MMP15: variants seen among roughly 807,000 people sequenced by gnomAD.
The protein encoded by MMP15 is matrix metalloproteinase-15.
MMP15 carries 36 observed loss-of-function variants against 65.0 expected under a neutral mutation model. That is an observed-to-expected ratio of 0.55 (90% confidence interval 0.42 to 0.73). MMP15 has a LOEUF of 0.73. Ranked by LOEUF, MMP15 falls within the 30% of genes least tolerant of loss-of-function variation. The pLI, the probability that MMP15 is intolerant of heterozygous loss-of-function variation, is 0.00. For missense variants in MMP15, 870 were observed against 987.8 expected, an observed-to-expected ratio of 0.88 and a Z score of 1.60; for synonymous variants, 428 against 410.2, an observed-to-expected ratio of 1.04 and a Z score of -0.52.
Position 58,045,687 on chromosome 16 carries a change from C to T in MMP15, c.*241C>T. Reference sequence around the variant, plus strand: ...AGAATTTTCTAAATGTAGTTCTGCTCCAGACAGGGAATTAGGCCCCCATCA... The same window carrying T: ...AGAATTTTCTAAATGTAGTTCTGCTTCAGACAGGGAATTAGGCCCCCATCA... On this transcript the variant is annotated 3_prime_UTR_variant, in exon 10 of 10. Transcript: ENST00000219271. 2 of 525,288 alleles carry T rather than the reference C, an allele frequency of 3.8e-6. No individual in the cohort carries two copies. The allele number at this position is 525,288 out of a possible 1,614,324, so 32.5% of individuals were successfully genotyped here.
intron 4 of MMP15, 152 bp downstream of exon 4, chr16:58,040,334 G>T: frequency 9.5e-7 from 1 of 1,048,204 alleles, no homozygotes; most frequent in African/African-American, 1.6e-5. Context: ...TCAGTCTGTT[G>T]TCCCACCATC....
chr16:58,040,077 ACCGGTGGCTTTCTGGC>A lies in MMP15; in HGVS notation c.646_661del (p.Gly216ThrfsTer9), dbSNP rs757072178. On this transcript the variant is annotated frameshift_variant, in exon 4 of 10. Coordinates refer to ENST00000219271, the MANE Select transcript of MMP15 (RefSeq NM_002428.4). LOFTEE classifies it high-confidence loss of function. ...CGGCGACAGCTCGCCGTTTGATGGC[ACCGGTGGCTTTCTGGC>A]CCACGCCTATTTCCCTGGCCCCGGC... The A allele has an allele frequency of 3.1e-6, 5 of 1,614,084 alleles. No individual in the cohort carries two copies. The South Asian group carries it at 5.5e-5, about 18-fold the overall frequency.
In MMP15 at chr16:58,045,476, G is replaced by T; in HGVS notation, c.*30G>T. Reference sequence around the variant, plus strand: ...CCAGCGCTCCTGCTAACGGTGCTCAGGGGGCGCCTGTGGTTCTGAGATGGC... The same window carrying T: ...CCAGCGCTCCTGCTAACGGTGCTCATGGGGCGCCTGTGGTTCTGAGATGGC... On this transcript the variant is annotated 3_prime_UTR_variant, in exon 10 of 10. Transcript: ENST00000219271. 6.8e-7 allele frequency: 1 copy of T among 1,475,126 alleles called. No individual in the cohort carries two copies. Among genetic ancestry groups the T allele is most frequent in the Non-Finnish European group, 9.0e-7 (1 of 1,112,294 alleles). 91.4% of individuals were successfully genotyped at this position (1,475,126 alleles called of 1,614,324 possible).
intron 1 of MMP15, among the ~76,000 whole-genome samples, chr16:58,028,015 G>T (rs574688008): frequency 6.6e-6 from 1 of 152,348 alleles, no homozygotes; most frequent in East Asian, 1.9e-4. Context: ...TCAAGTCACA[G>T]TCCCACCATT....
rs1292972984 is a variant in MMP15 at position 58,040,621 on chromosome 16, C to T, written c.833C>T (p.Ala278Val). ...TCCAGCAACCCCAATGCCATCATGG[C>T]GCCGTTCTACCAGTGGAAGGACGTT... ...EHSSNPNAIM[A>V]PFYQWKDVDN... is the part of the protein sequence containing the mutation. The change falls in exon 5 of 10, where the codon GCG becomes GTG. Residue 278 changes from alanine (A) to valine (V), a missense_variant. Physicochemically the swap from Ala to Val is moderately conservative, Grantham distance 64. Transcript: ENST00000219271. The T allele has an allele frequency of 3.7e-6, 6 of 1,614,216 alleles. No homozygotes were observed. Among genetic ancestry groups the T allele is most frequent in the Non-Finnish European group, 5.1e-6 (6 of 1,180,046 alleles).
rs148082107 is a variant in MMP15 at position 58,045,260 on chromosome 16, C to T, written c.1824C>T (p.Asp608=). ...ACTTTGGGGCCGGGGTCAACAAGGA[C>T]GGGGGCAGCCGCGTGGTGGTGCAGA... ...DGDFGAGVNK[D]GGSRVVVQME... is the part of the protein sequence containing the mutation. The change falls in exon 10 of 10, where the codon GAC becomes GAT. Residue 608 remains aspartate (D), a synonymous_variant. Coordinates refer to ENST00000219271, the MANE Select transcript of MMP15 (RefSeq NM_002428.4). The T allele has an allele frequency of 7.3e-5, 118 of 1,608,828 alleles. 1 individual carries two copies. Among genetic ancestry groups the T allele is most frequent in the Non-Finnish European group, 8.7e-5 (102 of 1,178,696 alleles).
At chr16:58,031,644 C>G (rs1050376998) in intron 1 of MMP15, among the ~76,000 whole-genome samples, 1 of 152,106 alleles carries the variant, frequency 6.6e-6, no homozygotes, top group Non-Finnish European at 1.5e-5. Flanking sequence ...GGTCAGACCT[C>G]AAGACGTCTT....
chr16:58,026,762 A>C (rs1483090699), intron 1 of MMP15, among the ~76,000 whole-genome samples: 2 of 152,118 alleles, frequency 1.3e-5, no homozygotes, highest in Non-Finnish European at 2.9e-5. Flanking sequence ...TGTTCTGGGC[A>C]CTGAGCCCCC....
At chr16:58,026,924 G>A (rs535928012) in intron 1 of MMP15, among the ~76,000 whole-genome samples, 16 of 152,348 alleles carry the variant, frequency 1.1e-4, no homozygotes, top group African/African-American at 3.8e-4. Context: ...GGAGGGGGCT[G>A]CTCTCGGGGA....
rs749280786 is a variant in MMP15 at position 58,045,097 on chromosome 16, G to A, written c.1661G>A (p.Arg554Gln). ...CCCGGCTACCCCAAGTCCATCCTGC[G>A]GGACTTCATGGGCTGCCAGGAGCAC... ...MEPGYPKSILRDFMGCQEHVE... is the reference protein window; with the variant it reads ...MEPGYPKSILQDFMGCQEHVE... Residue 554 changes from arginine to glutamine, a missense_variant, in exon 10 of 10, where the codon CGG becomes CAG. Transcript: ENST00000219271. 14 of 1,611,108 alleles carry A rather than the reference G, an allele frequency of 8.7e-6. No homozygotes were observed. Among genetic ancestry groups the A allele is most frequent in the Middle Eastern group, 1.6e-4 (1 of 6,078 alleles).
Position 58,045,308 on chromosome 16 carries a change from G to A in MMP15, c.1872G>A (p.Val624=). ...VVQMEEVART[V]NVVMVLVPLL... The stretch of plus-strand genomic sequence containing the variant: ...AGATGGAGGAGGTGGCACGGACGGT[G>A]AACGTGGTGATGGTGCTGGTGCCAC... The change falls in exon 10 of 10, where the codon GTG becomes GTA. Residue 624 remains valine, a synonymous_variant. Transcript: ENST00000219271. 1 of 1,610,266 alleles carries A rather than the reference G, an allele frequency of 6.2e-7. No homozygotes were observed. Among genetic ancestry groups the A allele is most frequent in the Non-Finnish European group, 8.5e-7 (1 of 1,179,314 alleles).
chr16:58,041,876 G>A lies in MMP15; in HGVS notation c.1164+6G>A, dbSNP rs767309828. On this transcript the variant is annotated splice_donor_region_variant and intron_variant, in intron 6 of 9. Coordinates refer to ENST00000219271, the MANE Select transcript of MMP15 (RefSeq NM_002428.4). ...GGGAGATGTTCGTGTTCAAGGTCTG[G>A]CCCCGCCTCCCATGCCTGGCCCTGA... 1.5e-5 allele frequency: 24 copies of A among 1,573,466 alleles called. No homozygotes were observed. Among genetic ancestry groups the A allele is most frequent in the African/African-American group, 2.7e-5 (2 of 73,978 alleles).
At chr16:58,039,274 A>C (rs1246030657) in intron 3 of MMP15, among the ~76,000 whole-genome samples, 2 of 152,220 alleles carry the variant, frequency 1.3e-5, no homozygotes, top group Admixed American at 1.3e-4. Context: ...CTCTACTAAA[A>C]ATACAAAATT....
At position 58,040,495 on chromosome 16, in the gene MMP15, T is replaced by C. The variant is rs552186600; in HGVS notation, c.749-42T>C. ...GTCCAGGGTGATTGGGTCCTGGGAC[T>C]GGCCACAGCTGACTGTGCTGCCCTC... On this transcript the variant is annotated intron_variant, in intron 4 of 9. Coordinates refer to ENST00000219271, the MANE Select transcript of MMP15 (RefSeq NM_002428.4). The C allele has an allele frequency of 8.1e-6, 13 of 1,599,526 alleles. 1 individual carries two copies. The Admixed American group carries it at 2.2e-4, about 27-fold the overall frequency.
chr16:58,040,266 C>A, intron 4 of MMP15, 84 bp downstream of exon 4: 1 of 1,396,934 alleles, frequency 7.2e-7, no homozygotes, highest in South Asian at 1.4e-5. Flanking sequence ...GTTCAGCAGC[C>A]GCGGGGCTGG....
chr16:58,029,885 A>T (rs957823948), intron 1 of MMP15, among the ~76,000 whole-genome samples: 3 of 152,034 alleles, frequency 2.0e-5, no homozygotes, highest in Non-Finnish European at 4.4e-5. Context: ...GGATGGCTAC[A>T]CTGCAGGCGT....
At chr16:58,036,769 G>C (rs558028065) in intron 1 of MMP15, among the ~76,000 whole-genome samples, 1 of 152,334 alleles carries the variant, frequency 6.6e-6, no homozygotes, top group South Asian at 2.1e-4. Flanking sequence ...CAGTGCCAAA[G>C]AGTAAGGCCT....
intron 3 of MMP15, among the ~76,000 whole-genome samples, chr16:58,038,624 C>A (rs1959384614): frequency 6.6e-6 from 1 of 152,210 alleles, no homozygotes; most frequent in African/African-American, 2.4e-5. Context: ...CAGGGGCTGG[C>A]CTCACTGGGC....
At chr16:58,042,079 C>A in intron 6 of MMP15, 152 bp from the exon 7 acceptor site, 1 of 1,132,970 alleles carries the variant, frequency 8.8e-7, no homozygotes, top group Non-Finnish European at 1.2e-6. Context: ...TGTTTCTGTG[C>A]AGCCCTGGCT....
Sources: allele counts gnomAD v4.1 joint callset (sites outside exome capture counted in the v4.1 genomes callset), GRCh38; gene constraint gnomAD v4.1.1; transcripts MANE v1.5; gene names NCBI Gene and HGNC (gene_info 2026-07-23, HGNC 2026-07-21).